Variants in TMEM39A observed in about 807,000 individuals in gnomAD.
TMEM39A encodes the protein transmembrane protein 39A.
A neutral mutation model predicts 51.9 loss-of-function variants in TMEM39A; 19 were observed. The ratio of observed to expected loss-of-function variants is 0.37; its 90% confidence interval spans 0.26 to 0.54. The LOEUF (loss-of-function observed/expected upper bound fraction) is 0.54, where lower values mean the gene tolerates loss of function less well. Among genes scored for constraint, TMEM39A ranks in the 20% least tolerant of loss-of-function variants. The pLI is 0.88. For missense variants in TMEM39A, 433 were observed against 590.5 expected, an observed-to-expected ratio of 0.73 and a Z score of 2.76; for synonymous variants, 197 against 220.2, an observed-to-expected ratio of 0.89 and a Z score of 0.93.
chr3:119,463,513 G>A lies in TMEM39A; in HGVS notation c.-252C>T. The A allele has an allele frequency of 2.5e-6, 1 of 398,882 alleles. No individual in the cohort carries two copies. Among genetic ancestry groups the A allele is most frequent in the African/African-American group, 2.0e-5 (1 of 48,784 alleles). The allele number at this position is 398,882 out of a possible 1,614,324, so 24.7% of individuals were successfully genotyped here. On this transcript the variant is annotated 5_prime_UTR_variant, in exon 1 of 9. Coordinates refer to ENST00000319172, the MANE Select transcript of TMEM39A (RefSeq NM_018266.3). The stretch of plus-strand genomic sequence containing the variant: ...AAGGTGTCCAGGCTTCGGGCTGCCA[G>A]ACTCAGACCCAGACTCCGACGCAGT...
intron 2 of TMEM39A, among the ~76,000 whole-genome samples, chr3:119,461,600 T>G (rs1415909598): frequency 1.3e-5 from 2 of 152,238 alleles, no homozygotes. Context: ...AAATCCTTGA[T>G]GGAATTTGAC....
intron 2 of TMEM39A, among the ~76,000 whole-genome samples, chr3:119,461,311 G>C (rs1333348950): frequency 2.0e-5 from 3 of 152,108 alleles, no homozygotes; most frequent in African/African-American, 7.2e-5. Context: ...AAAGGACAAA[G>C]GTCAGGCCTA....
At chr3:119,445,701 A>G (rs1409976167) in intron 5 of TMEM39A, among the ~76,000 whole-genome samples, 4 of 152,262 alleles carry the variant, frequency 2.6e-5, no homozygotes, top group African/African-American at 9.6e-5. Context: ...TTTGAAATGC[A>G]TCAAAAGTAA....
intron 4 of TMEM39A, among the ~76,000 whole-genome samples, chr3:119,450,735 T>C (rs567083220): frequency 2.8e-5 from 4 of 144,266 alleles, no homozygotes; most frequent in Admixed American, 2.2e-4. Flanking sequence ...GGCAGGAGAA[T>C]CGCTCGAACC....
intron 5 of TMEM39A, among the ~76,000 whole-genome samples, chr3:119,446,364 C>T (rs1317225037): frequency 2.0e-5 from 3 of 148,496 alleles, no homozygotes; most frequent in African/African-American, 4.8e-5. Context: ...TAACCAAGTC[C>T]GCTACTAAGC....
At chr3:119,459,653 C>T (rs909459557) in intron 2 of TMEM39A, among the ~76,000 whole-genome samples, 1 of 152,158 alleles carries the variant, frequency 6.6e-6, no homozygotes, top group African/African-American at 2.4e-5. Context: ...CAAAGGTGGA[C>T]AGCAGGACAA....
At chr3:119,432,339 C>T (rs1417298528) in intron 8 of TMEM39A, 125 bp from the exon 9 acceptor site, 1 of 621,928 alleles carries the variant, frequency 1.6e-6, no homozygotes, top group Non-Finnish European at 2.7e-6. Context: ...ATAAATAGAT[C>T]TGTTTATTTA....
chr3:119,434,727 A>G, intron 8 of TMEM39A, 35 bp downstream of exon 8: 1 of 1,611,348 alleles, frequency 6.2e-7, no homozygotes, highest in Admixed American at 1.7e-5. Flanking sequence ...ACTTACCCCT[A>G]AGCTTATGTT....
At position 119,438,167 on chromosome 3, in the gene TMEM39A, G is replaced by A. The variant is rs534467553; in HGVS notation, c.576-64C>T. The A allele has an allele frequency of 1.7e-4, 219 of 1,289,852 alleles. 5 individuals carry two copies. In the South Asian group the frequency reaches 2.9e-3, roughly 17 times the overall value. The allele number at this position is 1,289,852 out of a possible 1,614,324, so 79.9% of individuals were successfully genotyped here. A position where few individuals can be genotyped will look rare whatever the true frequency, so the allele number is the denominator to read the frequency against. ...CCTAAAATCACACCTTATAACTTAC[G>A]TCAATATAACTTATAACTTAGGTCA... On this transcript the variant is annotated intron_variant, in intron 5 of 8. Coordinates refer to ENST00000319172, the MANE Select transcript of TMEM39A (RefSeq NM_018266.3).
chr3:119,460,421 T>C (rs909239146), intron 2 of TMEM39A, among the ~76,000 whole-genome samples: 1 of 152,188 alleles, frequency 6.6e-6, no homozygotes, highest in East Asian at 1.9e-4. Context: ...GACATTTTCA[T>C]TGGCTTTCAG....
chr3:119,449,114 G>T (rs2081165349), intron 4 of TMEM39A, among the ~76,000 whole-genome samples: 1 of 152,142 alleles, frequency 6.6e-6, no homozygotes, highest in Non-Finnish European at 1.5e-5. Flanking sequence ...AGACCTAAAG[G>T]ATAAGCAAGA....
intron 3 of TMEM39A, among the ~76,000 whole-genome samples, chr3:119,454,520 G>A (rs893991307): frequency 2.0e-5 from 3 of 152,178 alleles, no homozygotes; most frequent in African/African-American, 4.8e-5. Context: ...GGCCGGGTGC[G>A]GTGGCTCACG....
intron 7 of TMEM39A, chr3:119,435,877 G>C: frequency 7.8e-7 from 1 of 1,289,628 alleles, no homozygotes; most frequent in South Asian, 1.2e-5. Context: ...CCACAGTCGG[G>C]TTTCTTTTCA....
intron 1 of TMEM39A, among the ~76,000 whole-genome samples, chr3:119,462,489 T>C (rs1245542048): frequency 6.6e-6 from 1 of 152,090 alleles, no homozygotes; most frequent in Non-Finnish European, 1.5e-5. Flanking sequence ...TTAAACTACT[T>C]GAAATATAGA....
At chr3:119,435,076 T>C (rs2080950714) in intron 7 of TMEM39A, 194 bp from the exon 8 acceptor site, 1 of 974,556 alleles carries the variant, frequency 1.0e-6, no homozygotes, top group African/African-American at 1.8e-5. Context: ...TTCATTGCTA[T>C]ATAGTAAACA....
intron 8 of TMEM39A, 33 bp from the exon 9 acceptor site, chr3:119,432,247 T>A: frequency 6.7e-7 from 1 of 1,495,324 alleles, no homozygotes; most frequent in Non-Finnish European, 9.1e-7. Context: ...AAACATTATT[T>A]CATAGAAAAG....
intron 5 of TMEM39A, chr3:119,446,539 G>A (rs942061859): frequency 1.3e-5 from 2 of 153,324 alleles, no homozygotes; most frequent in South Asian, 4.1e-4. Flanking sequence ...TCTATTTAAT[G>A]TTTCTGGACC....
rs2080892305 is a variant in TMEM39A, at chr3:119,431,038, G to GA, written c.*942dup. On this transcript the variant is annotated 3_prime_UTR_variant, in exon 9 of 9. Transcript: ENST00000319172. ...CACAAATTTTGGATATAAATTATCT[G>GA]AGTACAAAGCTGTAGGTAATTCTTA... 1 of 152,110 alleles carries GA rather than the reference G, an allele frequency of 6.6e-6. No individual in the cohort carries two copies. The highest frequency in any genetic ancestry group is 6.5e-5 in the Admixed American group (1 of 15,272). 9.4% of individuals were successfully genotyped at this position (152,110 alleles called of 1,614,324 possible).
Position 119,432,217 on chromosome 3 carries a change from G to GT in TMEM39A, c.1234-4dup. The GT allele has an allele frequency of 1.3e-6, 2 of 1,590,772 alleles. No individual in the cohort carries two copies. Among genetic ancestry groups the GT allele is most frequent in the Non-Finnish European group, 1.7e-6 (2 of 1,165,364 alleles). On this transcript the variant is annotated splice_region_variant and splice_polypyrimidine_tract_variant and intron_variant, in intron 8 of 8. Coordinates refer to ENST00000319172, the MANE Select transcript of TMEM39A (RefSeq NM_018266.3). ...CTTAATGGTCGATGAAATAAGAACT[G>GT]TAAGGAAGTTAAAAAAGTAAAACAT...
Sources: allele counts gnomAD v4.1 joint callset (sites outside exome capture counted in the v4.1 genomes callset), GRCh38; gene constraint gnomAD v4.1.1; transcripts MANE v1.5; gene names NCBI Gene and HGNC (gene_info 2026-07-23, HGNC 2026-07-21).